ARHGAP12: variants seen among roughly 807,000 people sequenced by gnomAD.
ARHGAP12 encodes rho GTPase-activating protein 12.
In ARHGAP12, 64 loss-of-function variants were observed where a neutral mutation model predicts 108.6. The ratio of observed to expected loss-of-function variants is 0.59; its 90% CI spans 0.48 to 0.73. The LOEUF is 0.73. Ranked by LOEUF, ARHGAP12 falls within the 30% of genes least tolerant of loss-of-function variation. ARHGAP12 has a pLI of 0.00. For synonymous variants in ARHGAP12, 312 were observed against 337.2 expected, an observed-to-expected ratio of 0.93 and a Z score of 0.82; for missense variants, 940 against 1,005.9, an observed-to-expected ratio of 0.93 and a Z score of 0.89.
chr10:31,854,399 GTTATT>G (rs1653270074), intron 4 of ARHGAP12, among the ~76,000 whole-genome samples, 193 bp from the exon 5 acceptor site: 1 of 152,088 alleles, frequency 6.6e-6, no homozygotes, highest in Non-Finnish European at 1.5e-5. Flanking sequence ...ATTAATAGTG[GTTATT>G]TTATCACATT....
At chr10:31,876,536 A>C (rs556310493) in intron 3 of ARHGAP12, among the ~76,000 whole-genome samples, 3 of 140,708 alleles carry the variant, frequency 2.1e-5, no homozygotes, top group Non-Finnish European at 4.5e-5. Context: ...AAACAAAAAC[A>C]AAAAACCACC....
intron 3 of ARHGAP12, among the ~76,000 whole-genome samples, chr10:31,894,301 T>A (rs1339204007): frequency 6.6e-6 from 1 of 152,050 alleles, no homozygotes; most frequent in Non-Finnish European, 1.5e-5. Flanking sequence ...AAAGAGGAAG[T>A]CAAATTGTCC....
chr10:31,896,178 T>C (rs961223084), intron 3 of ARHGAP12, among the ~76,000 whole-genome samples: 1 of 151,870 alleles, frequency 6.6e-6, no homozygotes, highest in Non-Finnish European at 1.5e-5. Flanking sequence ...ACATGGCCCA[T>C]GTATACATAT....
chr10:31,822,958 G>C (rs1306953193), intron 11 of ARHGAP12, among the ~76,000 whole-genome samples: 2 of 152,070 alleles, frequency 1.3e-5, no homozygotes, highest in Admixed American at 6.5e-5. Context: ...TAGCCCAAAA[G>C]AGTGACTATT....
At chr10:31,905,609 A>C (rs959271233) in intron 3 of ARHGAP12, among the ~76,000 whole-genome samples, 2 of 152,222 alleles carry the variant, frequency 1.3e-5, no homozygotes, top group Non-Finnish European at 2.9e-5. Context: ...GAGCTGAAGA[A>C]GAGCTTTACT....
intron 5 of ARHGAP12, among the ~76,000 whole-genome samples, chr10:31,853,500 T>C (rs886942147): frequency 9.2e-5 from 14 of 152,288 alleles, no homozygotes; most frequent in African/African-American, 3.1e-4. Flanking sequence ...TGTCAAATAA[T>C]TGAGGCAGGA....
chr10:31,893,961 G>A (rs1200618884), intron 3 of ARHGAP12, among the ~76,000 whole-genome samples: 1 of 152,136 alleles, frequency 6.6e-6, no homozygotes, highest in Non-Finnish European at 1.5e-5. Context: ...ATCAGTAAAC[G>A]TAATCCAGCA....
chr10:31,897,387 C>T (rs1838743634), intron 3 of ARHGAP12, among the ~76,000 whole-genome samples: 1 of 152,108 alleles, frequency 6.6e-6, no homozygotes, highest in Admixed American at 6.6e-5. Context: ...AAGATTTAAT[C>T]CTAACAGAAC....
At chr10:31,811,017 C>T (rs1433643073) in intron 15 of ARHGAP12, among the ~76,000 whole-genome samples, 1 of 152,156 alleles carries the variant, frequency 6.6e-6, no homozygotes, top group African/African-American at 2.4e-5. Flanking sequence ...CAATTTGGCT[C>T]CTTCTTATCA....
intron 3 of ARHGAP12, among the ~76,000 whole-genome samples, chr10:31,876,323 G>C (rs1262359926): frequency 6.6e-6 from 1 of 152,100 alleles, no homozygotes; most frequent in Non-Finnish European, 1.5e-5. Context: ...GTAGAGACCA[G>C]CCTGGCCAAC....
At chr10:31,894,767 C>T (rs984608290) in intron 3 of ARHGAP12, among the ~76,000 whole-genome samples, 5 of 152,086 alleles carry the variant, frequency 3.3e-5, no homozygotes, top group African/African-American at 7.2e-5. Flanking sequence ...TCATATGGAA[C>T]CAAAAAAGAG....
chr10:31,894,048 C>T (rs1459321964), intron 3 of ARHGAP12, among the ~76,000 whole-genome samples: 2 of 152,128 alleles, frequency 1.3e-5, no homozygotes, highest in Non-Finnish European at 2.9e-5. Flanking sequence ...AATTCAACAG[C>T]CCTTCATGCT....
chr10:31,917,222 A>C (rs545596094), intron 1 of ARHGAP12, among the ~76,000 whole-genome samples: 88 of 151,998 alleles, frequency 5.8e-4, no homozygotes, highest in Non-Finnish European at 5.4e-4. Context: ...ATGCTGGTTA[A>C]CACGGTGAAA....
intron 7 of ARHGAP12, among the ~76,000 whole-genome samples, 179 bp from the exon 8 acceptor site, chr10:31,839,890 G>T (rs1234009027): frequency 3.3e-5 from 5 of 152,006 alleles, no homozygotes; most frequent in Non-Finnish European, 7.4e-5. Flanking sequence ...GTTATTAAAA[G>T]TTTATAAAAT....
rs76532268 is a variant in ARHGAP12, at chr10:31,813,901, T to A, written c.1834+358A>T. Among the ~76,000 whole-genome samples, 30 of 152,318 alleles carry A rather than the reference T, an allele frequency of 2.0e-4. No individual in the cohort carries two copies. The East Asian group carries it at 5.8e-3, about 29-fold the overall frequency. On this transcript the variant is annotated intron_variant, in intron 14 of 19. Transcript: ENST00000344936. ...TGGTACATATTCCATGACTTTTGAC[T>A]TCTTAAAAAGTATAAGATTCTATGT...
At chr10:31,918,399 A>AT (rs1050639537) in intron 1 of ARHGAP12, among the ~76,000 whole-genome samples, 12 of 151,102 alleles carry the variant, frequency 7.9e-5, no homozygotes, top group African/African-American at 2.4e-4. Flanking sequence ...GACGGCTATC[A>AT]TTTTTTTTAA....
chr10:31,853,491 G>A (rs1836774085), intron 5 of ARHGAP12, among the ~76,000 whole-genome samples: 1 of 152,126 alleles, frequency 6.6e-6, no homozygotes, highest in South Asian at 2.1e-4. Flanking sequence ...ATGTTCTAAT[G>A]TCAAATAATT....
chr10:31,839,609 T>C (rs1322423570), intron 8 of ARHGAP12, 28 bp downstream of exon 8: 1 of 1,555,414 alleles, frequency 6.4e-7, no homozygotes, highest in South Asian at 1.2e-5. Context: ...CTGGACTACA[T>C]TATAAGATAT....
intron 1 of ARHGAP12, among the ~76,000 whole-genome samples, chr10:31,918,360 C>CACACACA (rs1554791864): frequency 7.2e-6 from 1 of 138,162 alleles, no homozygotes; most frequent in Non-Finnish European, 1.6e-5. Context: ...CACACACACA[C>CACACACA]CAATGAGATA....
Sources: allele counts gnomAD v4.1 joint callset (sites outside exome capture counted in the v4.1 genomes callset), GRCh38; gene constraint gnomAD v4.1.1; transcripts MANE v1.5; gene names NCBI Gene and HGNC (gene_info 2026-07-23, HGNC 2026-07-21).